The following CBFA2T3 variants were observed in gnomAD, a reference collection of about 807,000 sequenced individuals.
CBFA2T3 encodes transcriptional corepressor CBFA2T3.
CBFA2T3 carries 31 observed loss-of-function variants against 58.6 expected under a neutral mutation model. The ratio of observed to expected loss-of-function variants is 0.53; its 90% CI spans 0.40 to 0.71. The LOEUF (loss-of-function observed/expected upper bound fraction) is 0.71, where lower values mean the gene tolerates loss of function less well. Among genes scored for constraint, CBFA2T3 ranks in the 30% least tolerant of loss-of-function variants. CBFA2T3 has a pLI of 0.00. For missense variants in CBFA2T3, 1,076 were observed against 963.1 expected, an observed-to-expected ratio of 1.12 and a Z score of -1.55; for synonymous variants, 531 against 421.9, an observed-to-expected ratio of 1.26 and a Z score of -3.17.
intron 1 of CBFA2T3, among the ~76,000 whole-genome samples, chr16:88,942,637 G>A (rs576556953): frequency 1.6e-4 from 25 of 152,212 alleles, no homozygotes; most frequent in Admixed American, 1.6e-3. Flanking sequence ...CAGCCCCTGG[G>A]CAGCGGTCTG....
rs1212665439 is a variant in CBFA2T3 at position 88,885,990 on chromosome 16, G to A, written c.864C>T (p.Asn288=). Residue 288 remains asparagine, a synonymous_variant, in exon 6 of 12, where the codon AAC becomes AAT. Transcript: ENST00000268679. This position sits in a 1 kb window ranked among gnomAD's most constrained non-coding sequence, Gnocchi z 5.3. The stretch of plus-strand genomic sequence containing the variant: ...CGGGCGTCCTCCTCTTGCCGTTCTC[G>A]TTGACTTCCAGTAGCAGCTCTGAGG... The part of the protein sequence containing the change: ...IDSSELLLEV[N]ENGKRRTPDR... 5.8e-6 allele frequency: 9 copies of A among 1,553,892 alleles called. No individual in the cohort carries two copies. The highest frequency in any genetic ancestry group is 4.7e-5 in the South Asian group (4 of 84,398).
intron 1 of CBFA2T3, among the ~76,000 whole-genome samples, chr16:88,968,082 T>A (rs1263862946): frequency 1.3e-5 from 2 of 152,224 alleles, no homozygotes; most frequent in Admixed American, 6.5e-5. Context: ...GTTGGGACCA[T>A]GTGACCACAG....
chr16:88,967,130 C>T (rs1433372677), intron 1 of CBFA2T3, among the ~76,000 whole-genome samples: 1 of 136,168 alleles, frequency 7.3e-6, no homozygotes, highest in Non-Finnish European at 1.6e-5. Context: ...CCCGAGGTGC[C>T]ACTCGGCCCC....
intron 1 of CBFA2T3, among the ~76,000 whole-genome samples, chr16:88,917,814 G>C (rs1311226664): frequency 6.6e-6 from 1 of 151,912 alleles, no homozygotes. Flanking sequence ...ATGCAGACGA[G>C]AGTGTGCGTG....
At chr16:88,932,519 C>G (rs1163087112) in intron 1 of CBFA2T3, among the ~76,000 whole-genome samples, 2 of 151,912 alleles carry the variant, frequency 1.3e-5, no homozygotes, top group Admixed American at 6.6e-5. Context: ...TAGTGGTGAA[C>G]ACCCATAGTC....
intron 1 of CBFA2T3, among the ~76,000 whole-genome samples, chr16:88,909,656 T>C (rs768053094): frequency 6.6e-6 from 1 of 150,728 alleles, no homozygotes; most frequent in South Asian, 2.1e-4. Flanking sequence ...CACAGCTTCC[T>C]CTGGGAAAGG....
At chr16:88,943,170 G>A (rs1021754131) in intron 1 of CBFA2T3, among the ~76,000 whole-genome samples, 1 of 152,242 alleles carries the variant, frequency 6.6e-6, no homozygotes, top group African/African-American at 2.4e-5. Flanking sequence ...GGGCAGGTGG[G>A]AGAATTCAGC....
chr16:88,967,440 G>A (rs1236811142), intron 1 of CBFA2T3, among the ~76,000 whole-genome samples: 5 of 151,976 alleles, frequency 3.3e-5, no homozygotes, highest in African/African-American at 1.2e-4. Flanking sequence ...CACCTGTTCA[G>A]TTTTCACAGA....
rs189395916 is a variant in CBFA2T3 at position 88,875,087 on chromosome 16, G to A, written c.*1889C>T. On this transcript the variant is annotated 3_prime_UTR_variant, in exon 12 of 12. Transcript: ENST00000268679. ...TGCCAGGCCACGGGCCACGCCACGCGCACAGATGCCAGGCCACGGGCCACG... is the reference window on the plus strand; with the variant it reads ...TGCCAGGCCACGGGCCACGCCACGCACACAGATGCCAGGCCACGGGCCACG... The A allele has an allele frequency of 6.5e-5, 15 of 230,096 alleles. No individual in the cohort carries two copies. The highest frequency in any genetic ancestry group is 1.8e-4 in the African/African-American group (8 of 43,464). 14.3% of individuals were successfully genotyped at this position (230,096 alleles called of 1,614,324 possible). A position where few individuals can be genotyped will look rare whatever the true frequency, so the allele number is the denominator to read the frequency against.
intron 1 of CBFA2T3, among the ~76,000 whole-genome samples, chr16:88,975,952 G>C (rs1009150394): frequency 6.6e-6 from 1 of 152,244 alleles, no homozygotes; most frequent in East Asian, 1.9e-4. Context: ...TGCTGGGAGT[G>C]TGGCCACGAG....
intron 5 of CBFA2T3, among the ~76,000 whole-genome samples, chr16:88,889,129 T>C (rs1969519636): frequency 6.6e-6 from 1 of 150,674 alleles, no homozygotes; most frequent in South Asian, 2.1e-4. Context: ...CTGGGAGGGG[T>C]GGAGTCCGCA....
intron 1 of CBFA2T3, among the ~76,000 whole-genome samples, chr16:88,911,583 T>C (rs937798497): frequency 3.3e-5 from 5 of 152,232 alleles, no homozygotes; most frequent in Admixed American, 2.6e-4. Flanking sequence ...CGTCTCCTAA[T>C]CTGGCCTCAG....
chr16:88,892,094 C>G, intron 4 of CBFA2T3, 123 bp from the exon 5 acceptor site: 1 of 1,351,708 alleles, frequency 7.4e-7, no homozygotes, highest in Non-Finnish European at 1.0e-6. Flanking sequence ...GAGCTGGGCA[C>G]GGCCTGAGAG....
At chr16:88,927,865 G>A (rs1167035365) in intron 1 of CBFA2T3, among the ~76,000 whole-genome samples, 1 of 152,216 alleles carries the variant, frequency 6.6e-6, no homozygotes, top group African/African-American at 2.4e-5. Context: ...CACGGGCCAC[G>A]ATGGAAAGGC....
At chr16:88,973,636 G>T (rs1156440370) in intron 1 of CBFA2T3, among the ~76,000 whole-genome samples, 1 of 152,130 alleles carries the variant, frequency 6.6e-6, no homozygotes, top group Non-Finnish European at 1.5e-5. Context: ...GAACATTCTG[G>T]ACCCAGGACG....
At chr16:88,948,400 G>A (rs1597779112) in intron 1 of CBFA2T3, among the ~76,000 whole-genome samples, 1 of 152,204 alleles carries the variant, frequency 6.6e-6, no homozygotes, top group African/African-American at 2.4e-5. Flanking sequence ...ACTGTGCAGG[G>A]GTAGCTGGGA....
At chr16:88,927,271 C>T (rs931168033) in intron 1 of CBFA2T3, among the ~76,000 whole-genome samples, 6 of 152,234 alleles carry the variant, frequency 3.9e-5, no homozygotes, top group African/African-American at 1.2e-4. Context: ...AGCCGGGTCC[C>T]GCCCTGCCCT....
At chr16:88,942,278 G>A (rs965290610) in intron 1 of CBFA2T3, among the ~76,000 whole-genome samples, 7 of 152,070 alleles carry the variant, frequency 4.6e-5, no homozygotes, top group African/African-American at 1.4e-4. Flanking sequence ...CCTTTTCCCT[G>A]TTTCCTGCCC....
intron 1 of CBFA2T3, among the ~76,000 whole-genome samples, chr16:88,926,532 G>A (rs1971090550): frequency 6.6e-6 from 1 of 152,344 alleles, no homozygotes; most frequent in East Asian, 1.9e-4. Context: ...TCTCAGGGCT[G>A]TGACACAGAG....
Sources: allele counts gnomAD v4.1 joint callset (sites outside exome capture counted in the v4.1 genomes callset), GRCh38; gene constraint gnomAD v4.1.1; non-coding constraint Gnocchi (gnomAD v3.1); transcripts MANE v1.5; gene names NCBI Gene and HGNC (gene_info 2026-07-23, HGNC 2026-07-21).